The following SLC16A2 variants were observed in gnomAD, a reference collection of about 807,000 sequenced individuals.
SLC16A2 encodes the protein solute carrier family 16 member 2, also known as monocarboxylate transporter 8.
In SLC16A2, 3 loss-of-function variants were observed where a neutral mutation model predicts 27.2. The ratio of observed to expected loss-of-function variants is 0.11; its 90% confidence interval spans 0.05 to 0.28. SLC16A2 has a LOEUF of 0.28. Ranked by LOEUF, SLC16A2 falls within the 10% of genes least tolerant of loss-of-function variation. The probability of loss-of-function intolerance (pLI) is 1.00; values close to 1 mark genes in which losing one functional copy is unlikely to be tolerated. For synonymous variants in SLC16A2, 202 were observed against 187.8 expected (o/e 1.08, Z -0.62); for missense variants, 295 against 458.5 (o/e 0.64, Z 3.26).
chrX:74,509,878 G>T (rs771565547), intron 1 of SLC16A2, among the ~76,000 whole-genome samples: 2 of 112,308 alleles, frequency 1.8e-5, no homozygotes, highest in Non-Finnish European at 3.8e-5. Flanking sequence ...ATCCTTTTTA[G>T]ATATTGTGGG....
intron 1 of SLC16A2, among the ~76,000 whole-genome samples, chrX:74,460,648 C>T: frequency 9.0e-6 from 1 of 111,618 alleles, no homozygotes; most frequent in African/African-American, 3.2e-5. Flanking sequence ...AAACATTCAG[C>T]AGGTTTTTTG....
intron 1 of SLC16A2, among the ~76,000 whole-genome samples, chrX:74,489,431 T>A (rs1169461998): frequency 8.9e-6 from 1 of 111,987 alleles, no homozygotes; most frequent in Non-Finnish European, 1.9e-5. Flanking sequence ...AAGCACTTGA[T>A]CAATAAACAC....
At chrX:74,476,645 A>G (rs1459138040) in intron 1 of SLC16A2, among the ~76,000 whole-genome samples, 1 of 112,000 alleles carries the variant, frequency 8.9e-6, no homozygotes, top group Non-Finnish European at 1.9e-5. Flanking sequence ...ATTTTGAGAT[A>G]CATCCCATCA....
Position 74,421,657 on chromosome X carries a change from C to A in SLC16A2, c.20C>A (p.Ala7Glu). The change falls in exon 1 of 6, where the codon GCG (alanine) becomes GAG (glutamate). Residue 7 changes from alanine (A) to glutamate (E), a missense_variant. Around this residue, in one of 3 missense-constraint regions of SLC16A2, gnomAD observed 92 missense variants for 85.1 expected, o/e 1.08. Coordinates refer to ENST00000587091, the MANE Select transcript of SLC16A2 (RefSeq NM_006517.5). ...GCCGCGATGGCGCTGCAAAGCCAGGCGAGCGAGGAAGCAAAGGGGCCCTGG... is the reference window on the plus strand; with the variant it reads ...GCCGCGATGGCGCTGCAAAGCCAGGAGAGCGAGGAAGCAAAGGGGCCCTGG... MALQSQ[A>E]SEEAKGPWQE... The A allele has an allele frequency of 8.3e-7, 1 of 1,203,847 alleles. No individual in the cohort carries two copies.
At chrX:74,466,584 A>T (rs1929254989) in intron 1 of SLC16A2, among the ~76,000 whole-genome samples, 1 of 112,321 alleles carries the variant, frequency 8.9e-6, no homozygotes, top group African/African-American at 3.2e-5. Flanking sequence ...ATGACAAAAA[A>T]AGTCTGTACA....
intron 1 of SLC16A2, among the ~76,000 whole-genome samples, chrX:74,504,333 G>C (rs973797136): frequency 1.8e-5 from 2 of 110,236 alleles, no homozygotes; most frequent in Non-Finnish European, 3.8e-5. Flanking sequence ...TTGCCTCCTG[G>C]CATATTGAAT....
intron 1 of SLC16A2, among the ~76,000 whole-genome samples, chrX:74,441,899 A>G (rs895908408): frequency 1.8e-4 from 20 of 110,994 alleles, no homozygotes; most frequent in Admixed American, 8.6e-4. Flanking sequence ...GGAAATGGCT[A>G]GAGATGCCCC....
intron 1 of SLC16A2, among the ~76,000 whole-genome samples, chrX:74,457,234 T>C (rs1170834509): frequency 9.0e-6 from 1 of 111,710 alleles, no homozygotes; most frequent in Non-Finnish European, 1.9e-5. Flanking sequence ...AATGTGCAGG[T>C]TTGTTACATA....
chrX:74,471,907 T>C (rs1290155138), intron 1 of SLC16A2, among the ~76,000 whole-genome samples: 2 of 112,443 alleles, frequency 1.8e-5, no homozygotes, highest in Non-Finnish European at 3.8e-5. Flanking sequence ...TATTTACTTG[T>C]CTTTTTGTAA....
intron 1 of SLC16A2, among the ~76,000 whole-genome samples, chrX:74,469,747 C>T (rs887330336): frequency 1.8e-5 from 2 of 110,806 alleles, no homozygotes; most frequent in Non-Finnish European, 3.8e-5. Context: ...CCCCCTACCC[C>T]CCAGCATGCA....
At chrX:74,441,183 G>A (rs1928741956) in intron 1 of SLC16A2, among the ~76,000 whole-genome samples, 1 of 110,769 alleles carries the variant, frequency 9.0e-6, no homozygotes, top group Non-Finnish European at 1.9e-5. Flanking sequence ...TCAGCCTCCC[G>A]AATAGCTGGG....
intron 1 of SLC16A2, among the ~76,000 whole-genome samples, chrX:74,487,799 A>G (rs1178098809): frequency 9.0e-6 from 1 of 111,241 alleles, no homozygotes; most frequent in Non-Finnish European, 1.9e-5. Flanking sequence ...CCCTGGCATA[A>G]TTGTTGGTTT....
At chrX:74,487,938 A>T (rs1929750466) in intron 1 of SLC16A2, among the ~76,000 whole-genome samples, 1 of 112,345 alleles carries the variant, frequency 8.9e-6, no homozygotes, top group Admixed American at 9.5e-5. Context: ...CACCAAAAAC[A>T]TATTTTATGC....
chrX:74,529,062 C>A, intron 4 of SLC16A2, 151 bp from the exon 5 acceptor site: 1 of 459,122 alleles, frequency 2.2e-6, no homozygotes, highest in African/African-American at 2.4e-5. Context: ...AGGGCCTAAC[C>A]ATTCAGCCCA....
chrX:74,490,597 T>G (rs5981631), intron 1 of SLC16A2, among the ~76,000 whole-genome samples: 33,653 of 109,642 alleles, frequency 0.31, 5,048 homozygotes, highest in East Asian at 0.86. Context: ...AACTAATTTT[T>G]TTGGGGGTTC....
At chrX:74,442,228 CAAA>C (rs1278847714) in intron 1 of SLC16A2, among the ~76,000 whole-genome samples, 5 of 38,380 alleles carry the variant, frequency 1.3e-4, no homozygotes, top group African/African-American at 8.9e-5. Context: ...AACTCCGTCT[CAAA>C]AAAAAAAAAA....
chrX:74,454,106 G>C (rs555607349), intron 1 of SLC16A2, among the ~76,000 whole-genome samples: 1 of 110,981 alleles, frequency 9.0e-6, no homozygotes, highest in Non-Finnish European at 1.9e-5. Context: ...TCCTGTACTC[G>C]AGACATAATT....
At chrX:74,485,243 A>G (rs1239063414) in intron 1 of SLC16A2, among the ~76,000 whole-genome samples, 1 of 109,797 alleles carries the variant, frequency 9.1e-6, no homozygotes, top group African/African-American at 3.3e-5. Context: ...AATTAAGGAA[A>G]AAGCCAACAA....
chrX:74,505,144 G>GA (rs1363380494), intron 1 of SLC16A2, among the ~76,000 whole-genome samples: 3 of 110,592 alleles, frequency 2.7e-5, no homozygotes, highest in Non-Finnish European at 5.7e-5. Flanking sequence ...TAGTGGCTAG[G>GA]AAAAAAAAAT....
Sources: gnomAD v4.1 joint callset for allele counts (sites outside exome capture counted in the v4.1 genomes callset) on GRCh38, gnomAD v4.1.1 for gene constraint, gnomAD v4.1.1 regional missense constraint, MANE v1.5 for transcripts, NCBI Gene and HGNC (gene_info 2026-07-23, HGNC 2026-07-21) for gene names.